The following PCDH9 variants were observed in gnomAD, a reference collection of about 807,000 sequenced individuals.
PCDH9 encodes the protein protocadherin-9.
PCDH9 carries 24 observed loss-of-function variants against 70.6 expected under a neutral mutation model. The ratio of observed to expected loss-of-function variants is 0.34; its 90% CI spans 0.25 to 0.48. The LOEUF (loss-of-function observed/expected upper bound fraction) is 0.48, where lower values mean the gene tolerates loss of function less well. PCDH9 is among the 20% of genes least tolerant of loss of function. PCDH9 has a pLI of 0.99. For missense variants in PCDH9, 1,281 were observed against 1,503.6 expected (o/e 0.85, Z 2.45); for synonymous variants, 562 against 558.5 (o/e 1.01, Z -0.09).
At chr13:66,508,456 G>T (rs2138577926) in intron 4 of PCDH9, among the ~76,000 whole-genome samples, 1 of 152,244 alleles carries the variant, frequency 6.6e-6, no homozygotes, top group African/African-American at 2.4e-5. Flanking sequence ...ACAAAATATT[G>T]TGCTAGTCAG....
intron 2 of PCDH9, among the ~76,000 whole-genome samples, chr13:67,076,050 C>A (rs2085870936): frequency 6.6e-6 from 1 of 152,108 alleles, no homozygotes; most frequent in Non-Finnish European, 1.5e-5. Context: ...TAGTTTAAAG[C>A]AAGCACTCCA....
At chr13:66,971,515 A>C (rs1041038870) in intron 2 of PCDH9, among the ~76,000 whole-genome samples, 4 of 152,030 alleles carry the variant, frequency 2.6e-5, no homozygotes, top group African/African-American at 9.7e-5. Context: ...GAACCACAAT[A>C]TAATCTTATT....
chr13:66,585,885 A>C (rs987394918), intron 4 of PCDH9, among the ~76,000 whole-genome samples: 2 of 152,176 alleles, frequency 1.3e-5, no homozygotes, highest in Admixed American at 6.5e-5. Flanking sequence ...TAAGACAAAG[A>C]GACAAAAAGT....
At chr13:67,134,189 A>G (rs1383930035) in intron 2 of PCDH9, among the ~76,000 whole-genome samples, 1 of 152,154 alleles carries the variant, frequency 6.6e-6, no homozygotes. Flanking sequence ...TAAAAAAACT[A>G]AAGCCCTAAT....
intron 4 of PCDH9, among the ~76,000 whole-genome samples, chr13:66,542,967 T>C (rs904700655): frequency 6.6e-6 from 1 of 151,624 alleles, no homozygotes; most frequent in East Asian, 1.9e-4. Context: ...CAAATTAATA[T>C]GTGTGTGTAG....
intron 3 of PCDH9, among the ~76,000 whole-genome samples, chr13:66,788,678 G>A (rs2080117312): frequency 7.7e-6 from 1 of 130,142 alleles, no homozygotes. Context: ...TTTTTTGCTG[G>A]GCTCCAAGTC....
At chr13:66,658,443 A>T (rs1052339153) in intron 3 of PCDH9, among the ~76,000 whole-genome samples, 2 of 152,082 alleles carry the variant, frequency 1.3e-5, no homozygotes, top group Admixed American at 1.3e-4. Context: ...ATGATCATTT[A>T]TTGGTTAATT....
intron 4 of PCDH9, among the ~76,000 whole-genome samples, chr13:66,336,304 G>A (rs1956037012): frequency 6.6e-6 from 1 of 151,586 alleles, no homozygotes; most frequent in African/African-American, 2.4e-5. Flanking sequence ...TGTACCCGCT[G>A]AGAATACATG....
In PCDH9 at chr13:67,214,935, GATATATATAT is replaced by G. The variant is rs66460017; in HGVS notation, c.3036+10460_3036+10469del. The G allele has an allele frequency of 3.1e-3, 276 of 89,288 alleles. 8 individuals carry two copies. The highest frequency in any genetic ancestry group is 8.2e-3 in the African/African-American group (185 of 22,506). 5.5% of individuals were successfully genotyped at this position (89,288 alleles called of 1,614,324 possible). A position where few individuals can be genotyped will look rare whatever the true frequency, so the allele number is the denominator to read the frequency against. On this transcript the variant is annotated intron_variant, in intron 2 of 4. Transcript: ENST00000377865. The stretch of plus-strand genomic sequence containing the variant: ...CTGAGTGTCTGGCTATTGCGAGCCA[GATATATATAT>G]ATATATATATATATATATATATATA...
intron 3 of PCDH9, among the ~76,000 whole-genome samples, chr13:66,849,517 T>TATATATAGAGAGAGAGAGAGAG (rs1272589939): frequency 1.6e-5 from 1 of 63,576 alleles, no homozygotes; most frequent in African/African-American, 8.3e-5. Flanking sequence ...TATATATATA[T>TATATATAGAGAGAGAGAGAGAG]AGAGAGAGAG....
chr13:67,213,617 A>T (rs1180079011), intron 2 of PCDH9: 1 of 152,094 alleles, frequency 6.6e-6, no homozygotes, highest in African/African-American at 2.4e-5. Context: ...AATGCTATAA[A>T]ATGGATATCA....
intron 3 of PCDH9, among the ~76,000 whole-genome samples, chr13:66,789,369 C>A (rs2080128236): frequency 6.6e-6 from 1 of 152,136 alleles, no homozygotes; most frequent in South Asian, 2.1e-4. Context: ...ACTTCTATTT[C>A]AATTAGTTTC....
chr13:67,146,333 A>T (rs1298007209), intron 2 of PCDH9, among the ~76,000 whole-genome samples: 2 of 152,168 alleles, frequency 1.3e-5, no homozygotes, highest in Non-Finnish European at 2.9e-5. Context: ...AAATAAGCAT[A>T]CATAAAACAC....
intron 4 of PCDH9, among the ~76,000 whole-genome samples, chr13:66,478,448 G>T (rs1175099899): frequency 6.6e-6 from 1 of 152,226 alleles, no homozygotes; most frequent in Non-Finnish European, 1.5e-5. Flanking sequence ...GTTGAAGGCT[G>T]AGGCAGGTAA....
intron 4 of PCDH9, among the ~76,000 whole-genome samples, chr13:66,366,731 T>G (rs746262694): frequency 2.5e-4 from 38 of 152,018 alleles, no homozygotes; most frequent in Non-Finnish European, 4.7e-4. Flanking sequence ...CCTAGACACA[T>G]AATAAGCATC....
At chr13:66,421,635 C>T (rs1010039256) in intron 4 of PCDH9, among the ~76,000 whole-genome samples, 3 of 152,146 alleles carry the variant, frequency 2.0e-5, no homozygotes, top group African/African-American at 7.2e-5. Flanking sequence ...TACCACCAGG[C>T]TTGCCTTACA....
intron 4 of PCDH9, among the ~76,000 whole-genome samples, chr13:66,560,363 C>T (rs1242632092): frequency 6.6e-6 from 1 of 151,388 alleles, no homozygotes; most frequent in African/African-American, 2.5e-5. Context: ...GCTAACTCCC[C>T]ACATAGCATA....
chr13:67,078,368 C>A (rs1405780373), intron 2 of PCDH9, among the ~76,000 whole-genome samples: 1 of 152,190 alleles, frequency 6.6e-6, no homozygotes, highest in Non-Finnish European at 1.5e-5. Context: ...CCACATTAAT[C>A]TCAAGGCTCA....
At chr13:66,555,827 A>C (rs1480869520) in intron 4 of PCDH9, among the ~76,000 whole-genome samples, 1 of 147,944 alleles carries the variant, frequency 6.8e-6, no homozygotes, top group African/African-American at 2.5e-5. Flanking sequence ...GTATGGTCCC[A>C]ATAAGTACCA....
Sources: allele counts gnomAD v4.1 joint callset (sites outside exome capture counted in the v4.1 genomes callset), GRCh38; gene constraint gnomAD v4.1.1; transcripts MANE v1.5; gene names NCBI Gene and HGNC (gene_info 2026-07-23, HGNC 2026-07-21).